TRPM3: variants seen among roughly 807,000 people sequenced by gnomAD.
TRPM3 encodes transient receptor potential cation channel subfamily M member 3.
Under a neutral mutation model 181.2 loss-of-function variants are expected in TRPM3, and 77 were observed. That is an observed-to-expected ratio of 0.42 (90% CI 0.35 to 0.51). The LOEUF (loss-of-function observed/expected upper bound fraction) is 0.51, where lower values mean the gene tolerates loss of function less well. TRPM3 is among the 20% of genes least tolerant of loss of function. TRPM3 has a pLI of 0.01. For missense variants in TRPM3, 1,759 were observed against 2,196.7 expected (o/e 0.80, Z 3.98); for synonymous variants, 745 against 796.4 (o/e 0.94, Z 1.09).
intron 22 of TRPM3, among the ~76,000 whole-genome samples, chr9:70,581,950 T>C (rs2055861248): frequency 6.9e-6 from 1 of 144,754 alleles, no homozygotes; most frequent in Admixed American, 6.9e-5. Flanking sequence ...TTTCCTTGTC[T>C]TCTCCTTCCT....
chr9:71,288,408 C>T (rs910673201), intron 1 of TRPM3, among the ~76,000 whole-genome samples: 2 of 151,990 alleles, frequency 1.3e-5, no homozygotes, highest in African/African-American at 4.8e-5. Context: ...CATATGTGCA[C>T]ATGTGTATAT....
intron 8 of TRPM3, among the ~76,000 whole-genome samples, chr9:70,742,259 C>G (rs757492991): frequency 2.0e-5 from 3 of 151,806 alleles, no homozygotes; most frequent in Non-Finnish European, 4.4e-5. Context: ...TGATTATTTA[C>G]CTTTCTCATG....
intron 1 of TRPM3, among the ~76,000 whole-genome samples, chr9:71,240,183 A>G (rs1043708157): frequency 4.6e-5 from 7 of 152,214 alleles, no homozygotes; most frequent in African/African-American, 1.7e-4. Flanking sequence ...TATATGTACC[A>G]GTTTTTGCAC....
intron 1 of TRPM3, among the ~76,000 whole-genome samples, chr9:71,184,266 A>T (rs1424315918): frequency 6.6e-6 from 1 of 152,050 alleles, no homozygotes; most frequent in African/African-American, 2.4e-5. Flanking sequence ...GGGATCAATC[A>T]ATGTCAGGGT....
At chr9:70,820,711 C>T (rs2131579098) in intron 6 of TRPM3, among the ~76,000 whole-genome samples, 1 of 152,224 alleles carries the variant, frequency 6.6e-6, no homozygotes, top group Admixed American at 6.5e-5. Context: ...CATATCTCGA[C>T]TCCTTTAATC....
Position 70,625,178 on chromosome 9 carries a change from C to A in TRPM3, c.1809+13G>T, listed in dbSNP as rs1416268042. The A allele has an allele frequency of 6.2e-7, 1 of 1,613,728 alleles. No individual in the cohort carries two copies. Among genetic ancestry groups the A allele is most frequent in the Admixed American group, 1.7e-5 (1 of 60,002 alleles). Reference sequence around the variant, plus strand: ...CCTCCCAGGAAGGGCCCCGAATTTGCAGCCAGCCTCACCCTCTTGGGGCCG... The same window carrying A: ...CCTCCCAGGAAGGGCCCCGAATTTGAAGCCAGCCTCACCCTCTTGGGGCCG... On this transcript the variant is annotated intron_variant, in intron 14 of 25. Transcript: ENST00000677713. This position sits in a 1 kb window ranked among gnomAD's most constrained non-coding sequence, Gnocchi z 4.8.
chr9:70,906,012 T>C (rs767014626), intron 1 of TRPM3, among the ~76,000 whole-genome samples: 15 of 152,182 alleles, frequency 9.9e-5, no homozygotes, highest in Non-Finnish European at 1.3e-4. Context: ...GGGAGCCACC[T>C]AGGCCAGCAG....
intron 22 of TRPM3, among the ~76,000 whole-genome samples, chr9:70,573,001 T>C (rs1437309710): frequency 6.6e-6 from 1 of 152,208 alleles, no homozygotes; most frequent in Non-Finnish European, 1.5e-5. Flanking sequence ...TTATAGATGG[T>C]ATAATTTATC....
chr9:71,328,251 C>A (rs2089852352), intron 1 of TRPM3, among the ~76,000 whole-genome samples: 1 of 152,128 alleles, frequency 6.6e-6, no homozygotes, highest in African/African-American at 2.4e-5. Flanking sequence ...GCAAGCTCCG[C>A]CTCCCGGGTT....
intron 1 of TRPM3, among the ~76,000 whole-genome samples, chr9:71,374,284 G>A (rs1483444679): frequency 6.6e-6 from 1 of 152,256 alleles, no homozygotes; most frequent in African/African-American, 2.4e-5. Flanking sequence ...TGAGGCAGGA[G>A]AATCACTGGA....
At chr9:71,332,174 G>C (rs2090239768) in intron 1 of TRPM3, among the ~76,000 whole-genome samples, 1 of 151,574 alleles carries the variant, frequency 6.6e-6, no homozygotes, top group South Asian at 2.1e-4. Context: ...TTCAAATCTT[G>C]GATGATTTTA....
intron 1 of TRPM3, among the ~76,000 whole-genome samples, chr9:71,111,368 G>A (rs1444616143): frequency 6.6e-6 from 1 of 152,152 alleles, no homozygotes; most frequent in Non-Finnish European, 1.5e-5. Context: ...TTTTCAAGGG[G>A]AAATGTTTAA....
chr9:71,398,599 G>A (rs1485948412), intron 1 of TRPM3, among the ~76,000 whole-genome samples: 1 of 152,108 alleles, frequency 6.6e-6, no homozygotes, highest in African/African-American at 2.4e-5. Context: ...GCTCCACCAA[G>A]GTAAAACGTG....
At chr9:71,085,285 C>CT (rs2065082704) in intron 1 of TRPM3, among the ~76,000 whole-genome samples, 1 of 151,924 alleles carries the variant, frequency 6.6e-6, no homozygotes, top group Non-Finnish European at 1.5e-5. Flanking sequence ...CAAGTGGGAC[C>CT]TAACTAAACT....
At position 70,535,347 on chromosome 9, in the gene TRPM3, G is replaced by GT. The variant is rs1219669469; in HGVS notation, c.*605dup. The GT allele has an allele frequency of 2.0e-6, 3 of 1,470,030 alleles. No individual in the cohort carries two copies. The highest frequency in any genetic ancestry group is 4.9e-5 in the East Asian group (2 of 40,554). 91.1% of individuals were successfully genotyped at this position (1,470,030 alleles called of 1,614,324 possible). On this transcript the variant is annotated 3_prime_UTR_variant, in exon 26 of 26. Coordinates refer to ENST00000677713, the MANE Select transcript of TRPM3 (RefSeq NM_001366145.2). ...ACAGGTGAACTATGACTGTTACCTT[G>GT]TTTTTTCTTTATAATGATCAATTAC... is the stretch of plus-strand genomic sequence containing the variant.
chr9:70,913,095 C>T (rs578138008), intron 1 of TRPM3, among the ~76,000 whole-genome samples: 20 of 152,258 alleles, frequency 1.3e-4, no homozygotes, highest in African/African-American at 4.3e-4. Context: ...TATGTACCAT[C>T]TCTAATAGCA....
At chr9:70,770,247 C>G (rs778272962) in intron 7 of TRPM3, among the ~76,000 whole-genome samples, 1 of 152,124 alleles carries the variant, frequency 6.6e-6, no homozygotes, top group African/African-American at 2.4e-5. Context: ...ATATTTGGTT[C>G]TATTTCTGGA....
At chr9:71,444,151 C>A (rs1051696707) in intron 1 of TRPM3, among the ~76,000 whole-genome samples, 1 of 146,976 alleles carries the variant, frequency 6.8e-6, no homozygotes, top group East Asian at 2.0e-4. Context: ...TGCACTCCAG[C>A]CTGGCGACAG....
intron 1 of TRPM3, among the ~76,000 whole-genome samples, chr9:71,352,077 G>A (rs1317483102): frequency 4.6e-5 from 7 of 151,936 alleles, no homozygotes; most frequent in South Asian, 4.1e-4. Flanking sequence ...GGGTTTCACC[G>A]TGTTAGCCAG....
Sources: allele counts gnomAD v4.1 joint callset (sites outside exome capture counted in the v4.1 genomes callset), GRCh38; gene constraint gnomAD v4.1.1; non-coding constraint Gnocchi (gnomAD v3.1); transcripts MANE v1.5; gene names NCBI Gene and HGNC (gene_info 2026-07-23, HGNC 2026-07-21).